The following RASA2 variants were observed in gnomAD, a reference collection of about 807,000 sequenced individuals.
RASA2 encodes ras GTPase-activating protein 2.
Under a neutral mutation model 118.2 loss-of-function variants are expected in RASA2, and 155 were observed. The ratio of observed to expected loss-of-function variants is 1.31; its 90% CI spans 1.15 to 1.50. RASA2 has a LOEUF of 1.50. Ranked by LOEUF, RASA2 falls within the 40% of genes most tolerant of loss-of-function variation. The pLI is 0.00. For missense variants in RASA2, 1,016 were observed against 1,009.6 expected (o/e 1.01, Z -0.09); for synonymous variants, 353 against 349.1 (o/e 1.01, Z -0.12).
At chr3:141,560,410 T>C (rs1331130825) in intron 9 of RASA2, among the ~76,000 whole-genome samples, 1 of 152,134 alleles carries the variant, frequency 6.6e-6, no homozygotes, top group Non-Finnish European at 1.5e-5. Context: ...CTCAGTTGTT[T>C]ATGGGAACTA....
intron 14 of RASA2, 57 bp from the exon 15 acceptor site, chr3:141,576,943 T>G: frequency 8.5e-7 from 1 of 1,170,124 alleles, no homozygotes. Flanking sequence ...TTTTAATTTA[T>G]CATCTTTGTT....
In RASA2 at chr3:141,487,215, C is replaced by G. The variant is rs1355878106; in HGVS notation, c.132C>G (p.Ile44Met). Residue 44 changes from isoleucine to methionine, a missense_variant and splice_region_variant, in exon 1 of 24, where the codon ATC (isoleucine) becomes ATG (methionine). By Grantham distance (10) the Ile-to-Met change is conservative. Transcript: ENST00000286364. ...VRVLQSLRGK[I>M]CEAKNLLPYL... Reference sequence around the variant, plus strand: ...TGTTGCAGAGCCTGCGGGGCAAGATCTGTAAGCGGGGGCTGGGCTGAGGGG... The same window carrying G: ...TGTTGCAGAGCCTGCGGGGCAAGATGTGTAAGCGGGGGCTGGGCTGAGGGG... The G allele has an allele frequency of 7.0e-7, 1 of 1,418,676 alleles. No individual in the cohort carries two copies. Among genetic ancestry groups the G allele is most frequent in the Non-Finnish European group, 9.3e-7 (1 of 1,073,398 alleles). The allele number at this position is 1,418,676 out of a possible 1,614,324, so 87.9% of individuals were successfully genotyped here.
At chr3:141,520,620 A>G (rs2082097491) in intron 3 of RASA2, among the ~76,000 whole-genome samples, 1 of 150,260 alleles carries the variant, frequency 6.7e-6, no homozygotes, top group Non-Finnish European at 1.5e-5. Context: ...GTATTATATG[A>G]TATACAGTTA....
chr3:141,567,605 A>T (rs2082842282), intron 9 of RASA2, among the ~76,000 whole-genome samples: 1 of 152,212 alleles, frequency 6.6e-6, no homozygotes, highest in Non-Finnish European at 1.5e-5. Flanking sequence ...TTCACAAAAT[A>T]TAAGAAAATG....
chr3:141,507,606 C>G (rs1336538508), intron 1 of RASA2, among the ~76,000 whole-genome samples: 1 of 152,192 alleles, frequency 6.6e-6, no homozygotes, highest in East Asian at 1.9e-4. Context: ...CTCAGTAAGC[C>G]GTTGTTGTTG....
intron 13 of RASA2, among the ~76,000 whole-genome samples, chr3:141,573,653 C>T (rs926632654): frequency 1.3e-5 from 2 of 152,108 alleles, no homozygotes; most frequent in Admixed American, 6.5e-5. Flanking sequence ...CTTGTGTATC[C>T]GAGTTATTTT....
At chr3:141,511,698 G>A (rs1341264429) in intron 1 of RASA2, among the ~76,000 whole-genome samples, 1 of 152,072 alleles carries the variant, frequency 6.6e-6, no homozygotes, top group African/African-American at 2.4e-5. Context: ...GGTAAGAAGA[G>A]ACAACGACTA....
intron 1 of RASA2, among the ~76,000 whole-genome samples, chr3:141,502,068 C>G (rs1383195340): frequency 6.6e-6 from 1 of 152,174 alleles, no homozygotes; most frequent in Non-Finnish European, 1.5e-5. Context: ...TGGAGCATTT[C>G]AGATTTTCAG....
At chr3:141,490,798 G>A (rs181242655) in intron 1 of RASA2, among the ~76,000 whole-genome samples, 17 of 152,262 alleles carry the variant, frequency 1.1e-4, no homozygotes, top group Non-Finnish European at 1.2e-4. Flanking sequence ...TCCAACTTTT[G>A]TTAATGTCTT....
intron 1 of RASA2, among the ~76,000 whole-genome samples, chr3:141,507,459 C>T (rs1227294062): frequency 1.3e-5 from 2 of 152,136 alleles, no homozygotes; most frequent in African/African-American, 2.4e-5. Context: ...GAGTTATTGC[C>T]TCTTTTAGGA....
At chr3:141,494,044 G>A (rs977158004) in intron 1 of RASA2, among the ~76,000 whole-genome samples, 4 of 152,064 alleles carry the variant, frequency 2.6e-5, no homozygotes, top group African/African-American at 9.7e-5. Context: ...TCATCATTTG[G>A]CTGTACCACA....
At chr3:141,606,691 C>A (rs1156263201) in intron 19 of RASA2, among the ~76,000 whole-genome samples, 1 of 151,714 alleles carries the variant, frequency 6.6e-6, no homozygotes, top group Non-Finnish European at 1.5e-5. Flanking sequence ...CCAGGCTTAT[C>A]AAATATTCCA....
chr3:141,535,980 TG>T (rs1228201399), intron 4 of RASA2, among the ~76,000 whole-genome samples: 2 of 152,232 alleles, frequency 1.3e-5, no homozygotes, highest in Non-Finnish European at 2.9e-5. Flanking sequence ...ATCTTCTATA[TG>T]GTACCAAGAA....
At chr3:141,494,770 ATTTC>A (rs1417533716) in intron 1 of RASA2, among the ~76,000 whole-genome samples, 13 of 151,880 alleles carry the variant, frequency 8.6e-5, no homozygotes, top group African/African-American at 1.7e-4. Context: ...GAACTGGTCT[ATTTC>A]TTTTGTCCTT....
intron 19 of RASA2, among the ~76,000 whole-genome samples, chr3:141,603,271 T>A (rs969923902): frequency 6.6e-6 from 1 of 152,128 alleles, no homozygotes; most frequent in Admixed American, 6.5e-5. Context: ...TGGTGGTAAT[T>A]GTATTTTTTT....
intron 2 of RASA2, 88 bp downstream of exon 2, chr3:141,512,368 C>T (rs2081964974): frequency 1.0e-6 from 1 of 953,050 alleles, no homozygotes. Context: ...ATCAAGAAGA[C>T]AAGACAGAAA....
intron 15 of RASA2, chr3:141,579,427 C>T (rs2083066535): frequency 6.6e-6 from 1 of 152,178 alleles, no homozygotes; most frequent in Admixed American, 6.5e-5. Context: ...CTATATATTA[C>T]TTCTTTCAGA....
intron 23 of RASA2, among the ~76,000 whole-genome samples, chr3:141,610,400 T>C (rs2083624666): frequency 9.2e-6 from 1 of 108,730 alleles, no homozygotes; most frequent in African/African-American, 3.5e-5. Flanking sequence ...TTTATATTTA[T>C]ATATTATATA....
Position 141,600,534 on chromosome 3 carries a change from C to G in RASA2, c.1934-7144C>G, listed in dbSNP as rs996650032. Reference sequence around the variant, plus strand: ...TGGCCATGTCATCGTAGTGCTCTGCCTGCTTGGCCAGCTTGGCCTTCAGGA... The same window carrying G: ...TGGCCATGTCATCGTAGTGCTCTGCGTGCTTGGCCAGCTTGGCCTTCAGGA... On this transcript the variant is annotated intron_variant, in intron 19 of 23. Coordinates refer to ENST00000286364, the MANE Select transcript of RASA2 (RefSeq NM_006506.5). 1.8e-5 allele frequency: 5 copies of G among 284,464 alleles called. No homozygotes were observed. The Admixed American group carries it at 2.2e-4, about 13-fold the overall frequency. 17.6% of individuals were successfully genotyped at this position (284,464 alleles called of 1,614,324 possible). A position where few individuals can be genotyped will look rare whatever the true frequency, so the allele number is the denominator to read the frequency against.
Sources: gnomAD v4.1 joint callset for allele counts (sites outside exome capture counted in the v4.1 genomes callset) on GRCh38, gnomAD v4.1.1 for gene constraint, MANE v1.5 for transcripts, NCBI Gene and HGNC (gene_info 2026-07-23, HGNC 2026-07-21) for gene names.